The following MAP3K7 variants were observed in gnomAD, a reference collection of about 807,000 sequenced individuals.
MAP3K7 encodes TGF-beta activated kinase 1.
MAP3K7 carries 21 observed loss-of-function variants against 84.8 expected under a neutral mutation model. That is an observed-to-expected ratio of 0.25 (90% confidence interval 0.18 to 0.36). The LOEUF (loss-of-function observed/expected upper bound fraction) is 0.36. Ranked by LOEUF, MAP3K7 falls within the 10% of genes least tolerant of loss-of-function variation. The pLI, the probability that MAP3K7 is intolerant of heterozygous loss-of-function variation, is 1.00. For missense variants in MAP3K7, 503 were observed against 747.7 expected (o/e 0.67, Z 3.82); for synonymous variants, 241 against 247.7 (o/e 0.97, Z 0.25).
chr6:90,518,387 T>A, intron 16 of MAP3K7, 60 bp downstream of exon 16: 1 of 878,962 alleles, frequency 1.1e-6, no homozygotes. Context: ...TTGCACCTTA[T>A]CATATTTTAA....
chr6:90,575,189 A>G (rs1049672163), intron 1 of MAP3K7, among the ~76,000 whole-genome samples: 2 of 152,220 alleles, frequency 1.3e-5, no homozygotes, highest in African/African-American at 4.8e-5. Context: ...AAAAATATAT[A>G]TAAAGAATGG....
intron 14 of MAP3K7, among the ~76,000 whole-genome samples, chr6:90,522,446 CA>C (rs1357562728): frequency 6.6e-6 from 1 of 152,108 alleles, no homozygotes; most frequent in African/African-American, 2.4e-5. Context: ...ACTCCCTTGC[CA>C]GGGGGTTCAG....
intron 3 of MAP3K7, among the ~76,000 whole-genome samples, chr6:90,563,348 A>C (rs573917761): frequency 2.6e-4 from 39 of 152,316 alleles, no homozygotes; most frequent in African/African-American, 8.7e-4. Flanking sequence ...TGAATGGCTA[A>C]CTAGAATAAA....
intron 12 of MAP3K7, among the ~76,000 whole-genome samples, chr6:90,538,285 C>A (rs1775742053): frequency 6.6e-6 from 1 of 151,854 alleles, no homozygotes; most frequent in Admixed American, 6.6e-5. Flanking sequence ...GAAAAATCAA[C>A]CTCCTATTAC....
chr6:90,523,230 A>G (rs1775209771), intron 14 of MAP3K7, among the ~76,000 whole-genome samples: 2 of 152,214 alleles, frequency 1.3e-5, no homozygotes, highest in African/African-American at 4.8e-5. Context: ...GTCAATGGTC[A>G]GAATTTTTTT....
At chr6:90,553,296 C>G (rs998304786) in intron 7 of MAP3K7, among the ~76,000 whole-genome samples, 162 bp downstream of exon 7, 1 of 152,070 alleles carries the variant, frequency 6.6e-6, no homozygotes, top group Non-Finnish European at 1.5e-5. Context: ...GACTCTGGGG[C>G]AGGGACAGGG....
At chr6:90,574,420 C>T (rs1247000256) in intron 1 of MAP3K7, among the ~76,000 whole-genome samples, 1 of 152,114 alleles carries the variant, frequency 6.6e-6, no homozygotes. Flanking sequence ...GTAGTACTCA[C>T]TTCTCTTGCA....
chr6:90,545,108 A>G (rs772477910), intron 11 of MAP3K7, among the ~76,000 whole-genome samples: 3 of 151,776 alleles, frequency 2.0e-5, no homozygotes, highest in Non-Finnish European at 4.4e-5. Flanking sequence ...CAATGATTAA[A>G]TAATAATTAT....
chr6:90,571,835 A>C (rs1776914224), intron 1 of MAP3K7, 28 bp from the exon 2 acceptor site: 1 of 1,296,642 alleles, frequency 7.7e-7, no homozygotes, highest in Non-Finnish European at 1.1e-6. Context: ...ACAAAAAACA[A>C]ACAAAAAACA....
Position 90,516,387 on chromosome 6 carries a change from G to T in MAP3K7, c.*114C>A. ...AAAAATGCAGCAAATATAGGCAGTT[G>T]GCATTCAGAACACGCCAAAAAGCTA... On this transcript the variant is annotated 3_prime_UTR_variant, in exon 17 of 17. Transcript: ENST00000369329. 3 of 998,896 alleles carry T rather than the reference G, an allele frequency of 3.0e-6. No individual in the cohort carries two copies. The highest frequency in any genetic ancestry group is 4.6e-6 in the Non-Finnish European group (3 of 655,184). 61.9% of individuals were successfully genotyped at this position (998,896 alleles called of 1,614,324 possible). A position where few individuals can be genotyped will look rare whatever the true frequency, so the allele number is the denominator to read the frequency against.
chr6:90,538,317 G>A (rs1216374382), intron 12 of MAP3K7, among the ~76,000 whole-genome samples: 1 of 151,922 alleles, frequency 6.6e-6, no homozygotes, highest in African/African-American at 2.4e-5. Context: ...ATTACTGGGT[G>A]TGTTCTCAGT....
At chr6:90,525,397 C>T (rs1471835033) in intron 13 of MAP3K7, among the ~76,000 whole-genome samples, 2 of 151,986 alleles carry the variant, frequency 1.3e-5, no homozygotes, top group African/African-American at 2.4e-5. Flanking sequence ...CTATGTTGAC[C>T]AGGCTTCTCT....
chr6:90,561,859 C>T (rs944280357), intron 3 of MAP3K7, among the ~76,000 whole-genome samples, 192 bp from the exon 4 acceptor site: 32 of 152,188 alleles, frequency 2.1e-4, no homozygotes, highest in Admixed American at 1.0e-3. Context: ...TCTAGGAGTC[C>T]ACTAACAGTG....
Position 90,552,074 on chromosome 6 carries a change from A to T in MAP3K7, c.842T>A (p.Val281Glu). The change falls in exon 8 of 17, where the codon GTG (valine) becomes GAG (glutamate). Residue 281 changes from valine to glutamate, a missense_variant. Physicochemically the swap from Val to Glu is moderately radical, Grantham distance 121 (BLOSUM62 -2). Coordinates refer to ENST00000369329, the MANE Select transcript of MAP3K7 (RefSeq NM_145331.3). Reference sequence around the variant, plus strand: ...CCGCATCAAGTGAGTCATTATTTTCACAATTTCCTCCATTGAAGGGCGCTG... The same window carrying T: ...CCGCATCAAGTGAGTCATTATTTTCTCAATTTCCTCCATTGAAGGGCGCTG... ...PSQRPSMEEI[V>E]KIMTHLMRYF... 6.2e-7 allele frequency: 1 copy of T among 1,611,480 alleles called. No homozygotes were observed.
At chr6:90,533,044 G>A (rs554155711) in intron 13 of MAP3K7, among the ~76,000 whole-genome samples, 1 of 152,296 alleles carries the variant, frequency 6.6e-6, no homozygotes, top group South Asian at 2.1e-4. Flanking sequence ...ACTTAGGTCA[G>A]TTTCTCTCAT....
chr6:90,538,149 A>G (rs1775738219), intron 12 of MAP3K7, among the ~76,000 whole-genome samples: 1 of 151,946 alleles, frequency 6.6e-6, no homozygotes, highest in Non-Finnish European at 1.5e-5. Flanking sequence ...ATGCATTTTA[A>G]TTAGCACAAC....
intron 13 of MAP3K7, among the ~76,000 whole-genome samples, chr6:90,524,400 A>G (rs1582162779): frequency 6.6e-6 from 1 of 152,190 alleles, no homozygotes; most frequent in African/African-American, 2.4e-5. Flanking sequence ...AATCCCCAGC[A>G]TAAGAAATAG....
At chr6:90,540,866 G>C (rs1324212203) in intron 12 of MAP3K7, among the ~76,000 whole-genome samples, 1 of 151,676 alleles carries the variant, frequency 6.6e-6, no homozygotes, top group East Asian at 1.9e-4. Flanking sequence ...TTGACATTTG[G>C]ATTTTTAAAA....
chr6:90,543,153 C>T (rs1161003835), intron 12 of MAP3K7, among the ~76,000 whole-genome samples: 2 of 151,986 alleles, frequency 1.3e-5, no homozygotes, highest in African/African-American at 4.8e-5. Context: ...TACCTTTCCG[C>T]ATGGAGGTAA....
Sources: allele counts gnomAD v4.1 joint callset (sites outside exome capture counted in the v4.1 genomes callset), GRCh38; gene constraint gnomAD v4.1.1; transcripts MANE v1.5; gene names NCBI Gene and HGNC (gene_info 2026-07-23, HGNC 2026-07-21).